SOX5: variants seen among roughly 807,000 people sequenced by gnomAD.
The protein encoded by SOX5 is transcription factor SOX-5.
Under a neutral mutation model 92.0 loss-of-function variants are expected in SOX5, and 9 were observed. That is an observed-to-expected ratio of 0.10 (90% confidence interval 0.06 to 0.17). The LOEUF is 0.17. Ranked by LOEUF, SOX5 falls within the 10% of genes least tolerant of loss-of-function variation. The probability of loss-of-function intolerance (pLI) is 1.00; values close to 1 mark genes in which losing one functional copy is unlikely to be tolerated. For synonymous variants in SOX5, 344 were observed against 336.3 expected (o/e 1.02, Z -0.25); for missense variants, 642 against 944.5 (o/e 0.68, Z 4.20).
At chr12:24,380,833 G>C (rs983415257) in intron 1 of SOX5, among the ~76,000 whole-genome samples, 1 of 152,124 alleles carries the variant, frequency 6.6e-6, no homozygotes. Flanking sequence ...CTACAGCATA[G>C]TTCATATGAA....
At chr12:23,721,276 G>A (rs1217126953) in intron 6 of SOX5, among the ~76,000 whole-genome samples, 2 of 151,846 alleles carry the variant, frequency 1.3e-5, no homozygotes, top group African/African-American at 4.8e-5. Flanking sequence ...GTAGAGATGG[G>A]GTTTCTCCAT....
At chr12:24,290,643 C>G (rs1018562210) in intron 2 of SOX5, among the ~76,000 whole-genome samples, 4 of 152,178 alleles carry the variant, frequency 2.6e-5, no homozygotes, top group African/African-American at 9.7e-5. Context: ...CCACCACCCC[C>G]CTCTCCCAGC....
chr12:24,520,186 G>A (rs1391947357), intron 1 of SOX5, among the ~76,000 whole-genome samples: 1 of 152,096 alleles, frequency 6.6e-6, no homozygotes, highest in Non-Finnish European at 1.5e-5. Flanking sequence ...GCTTAAAGGA[G>A]TCCTTTGAAT....
chr12:24,061,798 C>G (rs1199201574), intron 4 of SOX5, among the ~76,000 whole-genome samples: 9 of 151,570 alleles, frequency 5.9e-5, no homozygotes, highest in African/African-American at 2.2e-4. Context: ...TTCAACAGGC[C>G]CTATAATGTA....
intron 8 of SOX5, among the ~76,000 whole-genome samples, chr12:23,609,802 A>C (rs555257886): frequency 1.3e-5 from 2 of 152,292 alleles, no homozygotes; most frequent in South Asian, 4.1e-4. Flanking sequence ...AACACTTTTA[A>C]AAAATTATGA....
intron 2 of SOX5, among the ~76,000 whole-genome samples, chr12:23,863,740 C>T (rs1421879455): frequency 4.0e-5 from 6 of 150,810 alleles, no homozygotes; most frequent in South Asian, 2.1e-4. Flanking sequence ...ACTTGTACTT[C>T]CAAATGAAAA....
chr12:23,543,308 A>C lies in SOX5; in HGVS notation c.1674T>G (p.Arg558=), dbSNP rs771503938. The C allele has an allele frequency of 1.2e-6, 2 of 1,613,844 alleles. No individual in the cohort carries two copies. Among genetic ancestry groups the C allele is most frequent in the Non-Finnish European group, 1.7e-6 (2 of 1,179,778 alleles). ...GRGSNEPHIK[R]PMNAFMVWAK... ...CCCACACCATGAAGGCATTCATTGG[A>C]CGCTTTATGTGGGGTTCATTGCTAC... is the stretch of plus-strand genomic sequence containing the variant. Residue 558 remains arginine (R), a synonymous_variant, in exon 13 of 15, where the codon CGT becomes CGG. Coordinates refer to ENST00000451604, the MANE Select transcript of SOX5 (RefSeq NM_006940.6).
upstream of SOX5, among the ~76,000 whole-genome samples, chr12:23,950,336 A>T (rs1054276987): frequency 6.6e-6 from 1 of 152,076 alleles, no homozygotes; most frequent in Non-Finnish European, 1.5e-5. Flanking sequence ...CAACTTTGAC[A>T]GATTGAAATA....
At position 24,280,073 on chromosome 12, in the gene SOX5, T is replaced by C. The variant is rs141859419; in HGVS notation, c.-173-2761A>G. Among the ~76,000 whole-genome samples, 61 of 152,182 alleles carry C rather than the reference T, an allele frequency of 4.0e-4. No homozygotes were observed. The East Asian group carries it at 0.011, about 27-fold the overall frequency. ...GTGAATCTAATGGACCTAAAATCAATACCTTACAAATGACATAAAAAATAT... is the reference window on the plus strand; with the variant it reads ...GTGAATCTAATGGACCTAAAATCAACACCTTACAAATGACATAAAAAATAT... On this transcript the variant is annotated intron_variant, in intron 2 of 4. Coordinates refer to the SOX5 transcript ENST00000446891.
chr12:23,908,645 A>T (rs1305339841), intron 1 of SOX5, among the ~76,000 whole-genome samples: 1 of 151,922 alleles, frequency 6.6e-6, no homozygotes, highest in Non-Finnish European at 1.5e-5. Flanking sequence ...AGACAGAGAT[A>T]AATTTTCCGA....
intron 4 of SOX5, among the ~76,000 whole-genome samples, chr12:24,063,607 G>T (rs935118501): frequency 6.6e-6 from 1 of 152,122 alleles, no homozygotes; most frequent in African/African-American, 2.4e-5. Context: ...TAAGGATGGC[G>T]AATGATTTCA....
At chr12:24,000,005 T>A (rs1421562675) in intron 4 of SOX5, among the ~76,000 whole-genome samples, 1 of 151,916 alleles carries the variant, frequency 6.6e-6, no homozygotes, top group Non-Finnish European at 1.5e-5. Flanking sequence ...AAAGGGTTTA[T>A]AAAAGATAAT....
In SOX5 at chr12:23,786,738, GTC is replaced by G. The variant is rs958680681; in HGVS notation, c.482-31016_482-31015del. ...AAAGCCAAGTATTATAACATTTACT[GTC>G]TCTGAATTTTTATTAATATTTGCCT... is the stretch of plus-strand genomic sequence containing the variant. On this transcript the variant is annotated intron_variant, in intron 3 of 14. Transcript: ENST00000451604. 5.5e-5 allele frequency among the ~76,000 whole-genome samples: 8 copies of G among 145,414 alleles called. 1 individual carries two copies. The highest frequency in any genetic ancestry group is 1.1e-4 in the Non-Finnish European group (7 of 65,412).
At chr12:23,949,749 TC>T, upstream of SOX5, 1 of 915,040 alleles carries the variant, frequency 1.1e-6, no homozygotes, top group African/African-American at 2.6e-5. Context: ...TCTCTCTCTC[TC>T]TCCCTCTCTC....
At chr12:23,647,385 C>A (rs1243158444) in intron 7 of SOX5, among the ~76,000 whole-genome samples, 1 of 152,100 alleles carries the variant, frequency 6.6e-6, no homozygotes, top group East Asian at 1.9e-4. Context: ...TAGCTTAATT[C>A]TTAAAAAAAC....
intron 6 of SOX5, among the ~76,000 whole-genome samples, chr12:23,710,566 G>A (rs898794829): frequency 5.9e-5 from 9 of 152,188 alleles, no homozygotes; most frequent in African/African-American, 2.2e-4. Flanking sequence ...CAAAGGACAT[G>A]AACTCATCCT....
intron 1 of SOX5, among the ~76,000 whole-genome samples, chr12:24,388,985 T>G (rs891994804): frequency 6.6e-6 from 1 of 152,190 alleles, no homozygotes; most frequent in Non-Finnish European, 1.5e-5. Flanking sequence ...CTTTAAGTTT[T>G]AGGGTACATG....
chr12:24,014,957 C>T (rs1421706197), intron 4 of SOX5, among the ~76,000 whole-genome samples: 1 of 152,010 alleles, frequency 6.6e-6, no homozygotes, highest in Non-Finnish European at 1.5e-5. Context: ...AACTTTGGAG[C>T]TTATCTCTTT....
chr12:24,283,924 G>C (rs114822723), intron 2 of SOX5, among the ~76,000 whole-genome samples: 20 of 152,278 alleles, frequency 1.3e-4, no homozygotes, highest in African/African-American at 4.8e-4. Context: ...AGCTAAAGTA[G>C]AGTTTGTCTG....
Sources: gnomAD v4.1 joint callset for allele counts (sites outside exome capture counted in the v4.1 genomes callset) on GRCh38, gnomAD v4.1.1 for gene constraint, MANE v1.5 for transcripts, NCBI Gene and HGNC (gene_info 2026-07-23, HGNC 2026-07-21) for gene names.